PPDPFL: variants seen among roughly 807,000 people sequenced by gnomAD.
PPDPFL encodes pancreatic progenitor cell differentiation and proliferation factor-like protein.
In PPDPFL, 12 loss-of-function variants were observed where a neutral mutation model predicts 12.6. The observed-to-expected ratio is 0.95, with a 90% confidence interval of 0.61 to 1.54. PPDPFL has a LOEUF of 1.54. PPDPFL is among the 40% of genes most tolerant of loss of function. PPDPFL has a pLI of 0.00. For synonymous variants in PPDPFL, 24 were observed against 32.7 expected, an observed-to-expected ratio of 0.73 and a Z score of 0.91; for missense variants, 114 against 96.0, an observed-to-expected ratio of 1.19 and a Z score of -0.78.
At chr8:49,070,570 A>G (rs1808362751), upstream of PPDPFL, among the ~76,000 whole-genome samples, 1 of 152,238 alleles carries the variant, frequency 6.6e-6, no homozygotes, top group African/African-American at 2.4e-5. Context: ...CCAAGAGACA[A>G]GAGAGGATTA....
intron 4 of PPDPFL, 179 bp from the exon 5 acceptor site, chr8:49,074,973 T>TTTAGAATCATTATTTAAAA: frequency 2.2e-6 from 3 of 1,369,000 alleles, no homozygotes; most frequent in Admixed American, 2.6e-5. Context: ...CTAAGACAAA[T>TTTAGAATCATTATTTAAAA]TTAGAATCAT....
At chr8:49,067,325 C>T (rs1171357442) in intron 1 of PPDPFL, among the ~76,000 whole-genome samples, 2 of 152,192 alleles carry the variant, frequency 1.3e-5, no homozygotes, top group Non-Finnish European at 2.9e-5. Flanking sequence ...TATTCATTTG[C>T]AGCATTAGTT....
chr8:49,067,291 T>C lies in PPDPFL; in HGVS notation c.-44-5496T>C, dbSNP rs1369050196. On this transcript the variant is annotated intron_variant, in intron 1 of 4. Coordinates refer to the PPDPFL transcript ENST00000517663. Reference sequence around the variant, plus strand: ...CAGTGTTTTAATGCAGATTCCCATGTGTTTATAGAGTACATGCTACACATA... The same window carrying C: ...CAGTGTTTTAATGCAGATTCCCATGCGTTTATAGAGTACATGCTACACATA... 2.0e-5 allele frequency among the ~76,000 whole-genome samples: 3 copies of C among 152,216 alleles called. No individual in the cohort carries two copies. The East Asian group carries it at 5.8e-4, about 29-fold the overall frequency.
chr8:49,070,352 C>T (rs949973632), upstream of PPDPFL, among the ~76,000 whole-genome samples: 1 of 152,104 alleles, frequency 6.6e-6, no homozygotes, highest in Non-Finnish European at 1.5e-5. Context: ...ACACGTGTTA[C>T]CTGTGTAACA....
intron 1 of PPDPFL, among the ~76,000 whole-genome samples, chr8:49,055,305 C>CAAA (rs1165418237): frequency 7.2e-5 from 11 of 152,158 alleles, no homozygotes; most frequent in African/African-American, 2.7e-4. Context: ...AAGGTTTCTG[C>CAAA]ACTGAGGCAG....
At chr8:49,063,279 G>A (rs995246168) in intron 1 of PPDPFL, among the ~76,000 whole-genome samples, 5 of 152,210 alleles carry the variant, frequency 3.3e-5, no homozygotes, top group African/African-American at 1.2e-4. Context: ...GCCCTGTGAT[G>A]CAGGAGTGAT....
intron 1 of PPDPFL, among the ~76,000 whole-genome samples, chr8:49,064,168 G>A (rs564052058): frequency 6.6e-6 from 1 of 152,292 alleles, no homozygotes; most frequent in East Asian, 1.9e-4. Flanking sequence ...CCCAGGTACA[G>A]CCAAGGGCGA....
chr8:49,070,507 G>A (rs1563300588), upstream of PPDPFL, among the ~76,000 whole-genome samples: 1 of 152,114 alleles, frequency 6.6e-6, no homozygotes, highest in Non-Finnish European at 1.5e-5. Context: ...TAATTTTGGA[G>A]TAACTAAAAG....
At chr8:49,071,080 A>C (rs1475990104), upstream of PPDPFL, among the ~76,000 whole-genome samples, 1 of 152,110 alleles carries the variant, frequency 6.6e-6, no homozygotes, top group African/African-American at 2.4e-5. Context: ...TGTCTGTTTC[A>C]GTTTTTTAGA....
intron 1 of PPDPFL, among the ~76,000 whole-genome samples, chr8:49,062,605 C>T (rs1447664437): frequency 6.6e-6 from 1 of 152,080 alleles, no homozygotes; most frequent in Non-Finnish European, 1.5e-5. Flanking sequence ...ACCCTACTTA[C>T]AATGGGAATG....
chr8:49,074,279 T>C lies in PPDPFL; in HGVS notation c.179T>C (p.Phe60Ser). ...TCCACCTGGTGGTTTAAATCGTTTT[T>C]CCATTCTGAACCTGTGCTTTCAAAT... ...AESTWWFKSF[F>S]HSEPVLSNVR... The change falls in exon 4 of 5, where the codon TTC becomes TCC. Residue 60 changes from phenylalanine to serine, a missense_variant. Phe to Ser is a radical substitution (Grantham distance 155). Transcript: ENST00000522267. 3 of 1,614,054 alleles carry C rather than the reference T, an allele frequency of 1.9e-6. No homozygotes were observed. In the South Asian group the frequency reaches 3.3e-5, roughly 18 times the overall value.
At chr8:49,072,030 G>A (rs1808400029), upstream of PPDPFL, among the ~76,000 whole-genome samples, 2 of 152,218 alleles carry the variant, frequency 1.3e-5, no homozygotes, top group Admixed American at 1.3e-4. Context: ...GCTGCAGGTG[G>A]AGTGTGTGAT....
At chr8:49,071,368 G>A (rs551449808), upstream of PPDPFL, among the ~76,000 whole-genome samples, 5 of 152,340 alleles carry the variant, frequency 3.3e-5, no homozygotes, top group South Asian at 1.0e-3. Context: ...CTGTGAAAGG[G>A]CAAAGCAGGC....
At chr8:49,070,873 A>T (rs1628843), upstream of PPDPFL, among the ~76,000 whole-genome samples, 137,789 of 151,462 alleles carry the variant, frequency 0.91, 62,724 homozygotes, top group Middle Eastern at 0.96. Context: ...TGTGTGCATG[A>T]GTGTGTGTGT....
chr8:49,057,507 C>T (rs2129243347), intron 1 of PPDPFL, among the ~76,000 whole-genome samples: 1 of 152,150 alleles, frequency 6.6e-6, no homozygotes, highest in South Asian at 2.1e-4. Context: ...CCTCTGTATG[C>T]ATTGATAGCA....
intron 2 of PPDPFL, 43 bp from the exon 3 acceptor site, chr8:49,074,016 G>T (rs771822734): frequency 1.5e-6 from 2 of 1,331,332 alleles, no homozygotes; most frequent in Non-Finnish European, 2.1e-6. Flanking sequence ...TGCTTGTCTG[G>T]TTGCCAGTTA....
chr8:49,070,000 C>T (rs1316496188), upstream of PPDPFL, among the ~76,000 whole-genome samples: 1 of 152,156 alleles, frequency 6.6e-6, no homozygotes, highest in Non-Finnish European at 1.5e-5. Flanking sequence ...CCTAGATGCC[C>T]ATCAGTGGTA....
intron 1 of PPDPFL, among the ~76,000 whole-genome samples, chr8:49,059,608 C>T (rs1232611665): frequency 6.6e-6 from 1 of 152,162 alleles, no homozygotes; most frequent in Non-Finnish European, 1.5e-5. Context: ...TCTGTAATTA[C>T]CTAAAATTCC....
intron 1 of PPDPFL, among the ~76,000 whole-genome samples, chr8:49,066,080 C>CT (rs1297490090): frequency 2.0e-5 from 3 of 152,340 alleles, no homozygotes; most frequent in African/African-American, 7.2e-5. Context: ...GGCTTGGTCT[C>CT]TAAGGAGATG....
Sources: allele counts gnomAD v4.1 joint callset (sites outside exome capture counted in the v4.1 genomes callset), GRCh38; gene constraint gnomAD v4.1.1; transcripts MANE v1.5; gene names NCBI Gene and HGNC (gene_info 2026-07-23, HGNC 2026-07-21).